Variants in GLYR1 observed in about 807,000 individuals in gnomAD.
GLYR1 encodes cytokine-like nuclear factor N-PAC.
In GLYR1, 21 loss-of-function variants were observed where a neutral mutation model predicts 72.7. The ratio of observed to expected loss-of-function variants is 0.29; its 90% CI spans 0.20 to 0.42. The LOEUF is 0.42. Ranked by LOEUF, GLYR1 falls within the 10% of genes least tolerant of loss-of-function variation. The probability of loss-of-function intolerance (pLI) is 1.00; values close to 1 mark genes in which losing one functional copy is unlikely to be tolerated. For missense variants in GLYR1, 594 were observed against 712.1 expected (o/e 0.83, Z 1.89); for synonymous variants, 392 against 270.2 (o/e 1.45, Z -4.42).
At chr16:4,829,512 G>C (rs2142007909) in intron 5 of GLYR1, among the ~76,000 whole-genome samples, 1 of 151,680 alleles carries the variant, frequency 6.6e-6, no homozygotes, top group African/African-American at 2.4e-5. Flanking sequence ...TTTGAGACAG[G>C]GTCTCGCTGT....
At chr16:4,846,622 C>A (rs148909334) in intron 1 of GLYR1, 2 of 248,772 alleles carry the variant, frequency 8.0e-6, no homozygotes, top group African/African-American at 2.2e-5. Context: ...TCGAGGGAGG[C>A]GGCGACAAAG....
intron 15 of GLYR1, among the ~76,000 whole-genome samples, chr16:4,808,356 G>A (rs536545085): frequency 6.6e-6 from 1 of 152,302 alleles, no homozygotes; most frequent in African/African-American, 2.4e-5. Flanking sequence ...CAGCACTTAG[G>A]TAGGCTGAGG....
Position 4,847,196 on chromosome 16 carries a change from G to A in GLYR1, c.38+32C>T, listed in dbSNP as rs752236298. ...GCGCCCAGGCGGGTAGCTCCCCGGCGCGTCTCGGTTGGCCCGGCCGCTCGG... is the reference window on the plus strand; with the variant it reads ...GCGCCCAGGCGGGTAGCTCCCCGGCACGTCTCGGTTGGCCCGGCCGCTCGG... On this transcript the variant is annotated intron_variant, in intron 1 of 15. Transcript: ENST00000321919. 12 of 1,584,658 alleles carry A rather than the reference G, an allele frequency of 7.6e-6. No individual in the cohort carries two copies. The Admixed American group carries it at 1.7e-4, about 23-fold the overall frequency.
At chr16:4,824,498 C>CAAAAAAAAA (rs142627380) in intron 5 of GLYR1, among the ~76,000 whole-genome samples, 4 of 95,108 alleles carry the variant, frequency 4.2e-5, no homozygotes, top group African/African-American at 4.3e-5. Flanking sequence ...GACTCCATCT[C>CAAAAAAAAA]AAAAAAAAAA....
chr16:4,833,534 A>AC (rs1398474991), intron 3 of GLYR1, among the ~76,000 whole-genome samples: 5 of 152,160 alleles, frequency 3.3e-5, no homozygotes, highest in Non-Finnish European at 5.9e-5. Context: ...AATGATGGTA[A>AC]CCATGGCTAC....
Position 4,812,198 on chromosome 16 carries a change from A to G in GLYR1, c.1170T>C (p.Asn390=). 1 of 1,614,106 alleles carries G rather than the reference A, an allele frequency of 6.2e-7. No homozygotes were observed. The highest frequency in any genetic ancestry group is 8.5e-7 in the Non-Finnish European group (1 of 1,180,012). Residue 390 remains asparagine (N), a synonymous_variant, in exon 13 of 16, where the codon AAT becomes AAC. Coordinates refer to ENST00000321919, the MANE Select transcript of GLYR1 (RefSeq NM_032569.4). The part of the protein sequence containing the change: ...GRFLEAPVSG[N]QQLSNDGMLV... ...ACATCCCGTCATTAGACAGCTGCTGATTCCCTGAGACGGGGGCTTCCAGAA... is the reference window on the plus strand; with the variant it reads ...ACATCCCGTCATTAGACAGCTGCTGGTTCCCTGAGACGGGGGCTTCCAGAA...
At position 4,817,630 on chromosome 16, in the gene GLYR1, T is replaced by C. The variant is rs1285037177; in HGVS notation, c.874A>G (p.Thr292Ala). The C allele has an allele frequency of 1.9e-6, 3 of 1,613,394 alleles. No individual in the cohort carries two copies. Among genetic ancestry groups the C allele is most frequent in the Admixed American group, 1.7e-5 (1 of 60,008 alleles). ...GCAGTGCGGTTCCAGACAGTCACTG[T>C]GTGACCCATTTTTAGCAAGTTGGAG... ...IVSNLLKMGHTVTVWNRTAEK... is the reference protein window; with the variant it reads ...IVSNLLKMGHAVTVWNRTAEK... Residue 292 changes from threonine (T) to alanine (A), a missense_variant, in exon 10 of 16, where the codon ACA (threonine) becomes GCA (alanine). By Grantham distance (58) the Thr-to-Ala change is moderately conservative. This residue lies in a region of GLYR1 where 266 missense variants were observed against 358.4 expected (regional missense o/e 0.74). Coordinates refer to ENST00000321919, the MANE Select transcript of GLYR1 (RefSeq NM_032569.4).
At chr16:4,841,672 CA>C (rs2142046205) in intron 3 of GLYR1, among the ~76,000 whole-genome samples, 1 of 148,176 alleles carries the variant, frequency 6.7e-6, no homozygotes, top group South Asian at 2.2e-4. Context: ...ACAACAACAA[CA>C]ACAAAAAACA....
intron 5 of GLYR1, among the ~76,000 whole-genome samples, chr16:4,830,772 C>T (rs767048426): frequency 1.1e-4 from 17 of 152,174 alleles, no homozygotes; most frequent in Non-Finnish European, 1.8e-4. Flanking sequence ...AGCAAGAAGG[C>T]GAGAGAGGCA....
chr16:4,812,720 T>C (rs1291404816), intron 12 of GLYR1, among the ~76,000 whole-genome samples: 2 of 151,842 alleles, frequency 1.3e-5, no homozygotes, highest in African/African-American at 4.8e-5. Flanking sequence ...CTTGATCTCC[T>C]GACCTTGTGA....
intron 11 of GLYR1, among the ~76,000 whole-genome samples, chr16:4,814,313 C>T (rs2083491860): frequency 6.6e-6 from 1 of 152,240 alleles, no homozygotes; most frequent in African/African-American, 2.4e-5. Flanking sequence ...CACATTTCAG[C>T]ACAGACTTCA....
chr16:4,831,899 A>G (rs1481714561), intron 5 of GLYR1, 80 bp downstream of exon 5: 2 of 1,531,988 alleles, frequency 1.3e-6, no homozygotes, highest in East Asian at 2.3e-5. Context: ...AGCATACTAC[A>G]TAAGCATACT....
chr16:4,818,788 C>T (rs1290157955), intron 9 of GLYR1, among the ~76,000 whole-genome samples: 1 of 152,132 alleles, frequency 6.6e-6, no homozygotes, highest in Non-Finnish European at 1.5e-5. Flanking sequence ...AAGCTAAGTC[C>T]TTCACCTGAG....
At chr16:4,821,758 T>C (rs1252662747) in intron 7 of GLYR1, 161 bp from the exon 8 acceptor site, 2 of 664,024 alleles carry the variant, frequency 3.0e-6, no homozygotes, top group East Asian at 2.7e-5. Context: ...TTCATACACA[T>C]TACCTCATTC....
At chr16:4,836,453 GA>G (rs1166565560) in intron 3 of GLYR1, among the ~76,000 whole-genome samples, 1 of 152,170 alleles carries the variant, frequency 6.6e-6, no homozygotes, top group Non-Finnish European at 1.5e-5. Context: ...TGGGAAGTCA[GA>G]AAAATCAAGC....
At chr16:4,839,362 G>C (rs536567864) in intron 3 of GLYR1, 7 of 152,264 alleles carry the variant, frequency 4.6e-5, no homozygotes, top group African/African-American at 1.7e-4. Context: ...TGAAGTGTTG[G>C]GATTACGGGT....
intron 4 of GLYR1, chr16:4,832,429 A>C: frequency 1.6e-6 from 1 of 631,698 alleles, no homozygotes; most frequent in Non-Finnish European, 2.7e-6. Context: ...TATGTCCCAA[A>C]ACTAGAAGAA....
chr16:4,846,983 G>A (rs1260639753), intron 1 of GLYR1: 3 of 542,490 alleles, frequency 5.5e-6, no homozygotes, highest in African/African-American at 2.0e-5. Flanking sequence ...GGCCCCGAGT[G>A]CAGACCCCAC....
intron 10 of GLYR1, 108 bp downstream of exon 10, chr16:4,817,490 G>C (rs1206913786): frequency 5.8e-6 from 4 of 684,640 alleles, no homozygotes; most frequent in Admixed American, 2.4e-5. Context: ...TAAAAGCTTG[G>C]CTTCTATTCT....
Sources: gnomAD v4.1 joint callset for allele counts (sites outside exome capture counted in the v4.1 genomes callset) on GRCh38, gnomAD v4.1.1 for gene constraint, gnomAD v4.1.1 regional missense constraint, MANE v1.5 for transcripts, NCBI Gene and HGNC (gene_info 2026-07-23, HGNC 2026-07-21) for gene names.